DCBLD2: variants seen among roughly 807,000 people sequenced by gnomAD.
DCBLD2 encodes the protein discoidin, CUB and LCCL domain-containing protein 2.
A neutral mutation model predicts 86.8 loss-of-function variants in DCBLD2; 54 were observed. The observed-to-expected ratio is 0.62, with a 90% confidence interval of 0.50 to 0.78. The LOEUF (loss-of-function observed/expected upper bound fraction) is 0.78, where lower values mean the gene tolerates loss of function less well. DCBLD2 is among the 30% of genes least tolerant of loss of function. The probability of loss-of-function intolerance (pLI) is 0.00; values close to 1 mark genes in which losing one functional copy is unlikely to be tolerated. For missense variants in DCBLD2, 908 were observed against 954.2 expected, an observed-to-expected ratio of 0.95 and a Z score of 0.64; for synonymous variants, 354 against 341.3, an observed-to-expected ratio of 1.04 and a Z score of -0.41.
intron 2 of DCBLD2, among the ~76,000 whole-genome samples, chr3:98,868,695 C>T (rs1281043710): frequency 6.6e-6 from 1 of 152,122 alleles, no homozygotes; most frequent in African/African-American, 2.4e-5. Flanking sequence ...CTTGTGAGAA[C>T]ATATGGTACT....
chr3:98,799,736 T>C lies in DCBLD2; in HGVS notation c.1964A>G (p.Tyr655Cys). ...ATAAACTTCCTGCCCTGGTGAGTTG[T>C]AAGGATCTAGGTCTGCATAGCCTGC... ...KEAGYADLDP[Y>C]NSPGQEVYHA... The change falls in exon 16 of 16, where the codon TAC (tyrosine) becomes TGC (cysteine). Residue 655 changes from tyrosine (Y) to cysteine (C), a missense_variant. Physicochemically the swap from Tyr to Cys is radical, Grantham distance 194. This residue lies in a region of DCBLD2 where 606 missense variants were observed against 678.5 expected (regional missense o/e 0.89). Transcript: ENST00000326840. 6.2e-7 allele frequency: 1 copy of C among 1,614,012 alleles called. No individual in the cohort carries two copies. Among genetic ancestry groups the C allele is most frequent in the South Asian group, 1.1e-5 (1 of 91,084 alleles).
intron 13 of DCBLD2, among the ~76,000 whole-genome samples, chr3:98,807,026 C>A (rs1375243670): frequency 1.3e-5 from 2 of 152,160 alleles, no homozygotes; most frequent in Admixed American, 1.3e-4. Flanking sequence ...CATCTTTGTA[C>A]AATCATCTGA....
chr3:98,848,274 C>A (rs1190366687), intron 3 of DCBLD2, among the ~76,000 whole-genome samples: 2 of 152,176 alleles, frequency 1.3e-5, no homozygotes, highest in African/African-American at 4.8e-5. Flanking sequence ...GGGCTTCCAG[C>A]TCCATCCATG....
At chr3:98,842,257 A>G (rs1942635282) in intron 3 of DCBLD2, among the ~76,000 whole-genome samples, 1 of 152,198 alleles carries the variant, frequency 6.6e-6, no homozygotes, top group African/African-American at 2.4e-5. Flanking sequence ...CATCTTGTCA[A>G]TAGCCTTGCA....
intron 2 of DCBLD2, among the ~76,000 whole-genome samples, chr3:98,866,927 C>G (rs1402849433): frequency 6.6e-6 from 1 of 152,246 alleles, no homozygotes; most frequent in African/African-American, 2.4e-5. Flanking sequence ...TTACATATGG[C>G]TAGCCAGTTT....
At chr3:98,849,658 C>T (rs572049327) in intron 2 of DCBLD2, 60 bp from the exon 3 acceptor site, 6 of 1,552,058 alleles carry the variant, frequency 3.9e-6, no homozygotes, top group Non-Finnish European at 5.3e-6. Flanking sequence ...ATAATATTTG[C>T]AATGTAGATA....
At chr3:98,839,164 T>C (rs796535406) in intron 3 of DCBLD2, among the ~76,000 whole-genome samples, 63 of 77,148 alleles carry the variant, frequency 8.2e-4, no homozygotes, top group Admixed American at 3.6e-3. Context: ...TCTTTCTTTC[T>C]TTCTTTCCTT....
At chr3:98,889,040 CTTCT>C (rs1943610793) in intron 1 of DCBLD2, among the ~76,000 whole-genome samples, 1 of 152,024 alleles carries the variant, frequency 6.6e-6, no homozygotes, top group South Asian at 2.1e-4. Flanking sequence ...CCTGGCCTCA[CTTCT>C]TTCTCTACCT....
In DCBLD2 at chr3:98,839,167, CTTTCCTTTCTTT is replaced by C. The variant is rs1488691793; in HGVS notation, c.571+10282_571+10293del. On this transcript the variant is annotated intron_variant, in intron 3 of 15. Transcript: ENST00000326840. ...TCCTTCTTTCTTTCTTTCTTTCTTTCTTTCCTTTCTTTCTTCCTTCCTTCCTTCCTTCCTTCC... is the reference window on the plus strand; with the variant it reads ...TCCTTCTTTCTTTCTTTCTTTCTTTCCTTCCTTCCTTCCTTCCTTCCTTCC... 1.3e-4 allele frequency among the ~76,000 whole-genome samples: 10 copies of C among 78,878 alleles called. 1 individual carries two copies. Among genetic ancestry groups the C allele is most frequent in the Non-Finnish European group, 1.8e-4 (7 of 39,760 alleles). The allele number at this position is 78,878 out of a possible 152,430, so 51.7% of individuals were successfully genotyped here.
At chr3:98,872,409 C>G (rs192225202) in intron 2 of DCBLD2, among the ~76,000 whole-genome samples, 1 of 152,320 alleles carries the variant, frequency 6.6e-6, no homozygotes, top group Admixed American at 6.5e-5. Context: ...TTCCAGTTTC[C>G]TCCATGAGTT....
intron 1 of DCBLD2, among the ~76,000 whole-genome samples, chr3:98,896,770 T>A (rs750791335): frequency 6.6e-6 from 1 of 152,188 alleles, no homozygotes; most frequent in Non-Finnish European, 1.5e-5. Flanking sequence ...AGGAGCCACA[T>A]CAGAAAAATT....
At chr3:98,823,837 A>T (rs1220297828) in intron 4 of DCBLD2, among the ~76,000 whole-genome samples, 1 of 152,204 alleles carries the variant, frequency 6.6e-6, no homozygotes, top group African/African-American at 2.4e-5. Flanking sequence ...TCACACAGTT[A>T]GCAGGTAGCA....
Position 98,901,374 on chromosome 3 carries a change from C to T in DCBLD2, c.-48G>A. 7.8e-7 allele frequency: 1 copy of T among 1,274,598 alleles called. No individual in the cohort carries two copies. The highest frequency in any genetic ancestry group is 9.8e-7 in the Non-Finnish European group (1 of 1,016,958). The allele number at this position is 1,274,598 out of a possible 1,614,324, so 79.0% of individuals were successfully genotyped here. On this transcript the variant is annotated 5_prime_UTR_variant, in exon 1 of 16. Coordinates refer to ENST00000326840, the MANE Select transcript of DCBLD2 (RefSeq NM_080927.4). ...GCATAGTGCGGGTGCCTCGGCAGCCCCGCGCGCCTCTGGCCGCGGCACCCG... is the reference window on the plus strand; with the variant it reads ...GCATAGTGCGGGTGCCTCGGCAGCCTCGCGCGCCTCTGGCCGCGGCACCCG...
At chr3:98,833,934 T>C (rs1220655609) in intron 3 of DCBLD2, among the ~76,000 whole-genome samples, 1 of 152,182 alleles carries the variant, frequency 6.6e-6, no homozygotes, top group Non-Finnish European at 1.5e-5. Flanking sequence ...AGTGAGGAGA[T>C]ATGGGAGTGG....
intron 2 of DCBLD2, among the ~76,000 whole-genome samples, chr3:98,870,740 A>AGAAAGAAAGAAAGAAAGAAAAGAAG (rs1943254219): frequency 2.0e-5 from 1 of 49,598 alleles, no homozygotes; most frequent in Non-Finnish European, 4.0e-5. Flanking sequence ...AGAAAGAAAA[A>AGAAAGAAAGAAAGAAAGAAAAGAAG]GAAAGAAAGA....
At chr3:98,888,241 A>T (rs1321466723) in intron 1 of DCBLD2, among the ~76,000 whole-genome samples, 1 of 151,936 alleles carries the variant, frequency 6.6e-6, no homozygotes, top group Non-Finnish European at 1.5e-5. Context: ...CCATTTTTTT[A>T]AAAAGACATT....
chr3:98,856,419 G>C (rs2107491779), intron 2 of DCBLD2, among the ~76,000 whole-genome samples: 1 of 152,138 alleles, frequency 6.6e-6, no homozygotes, highest in Non-Finnish European at 1.5e-5. Context: ...CCTATTATGA[G>C]CTACAAAGCT....
At chr3:98,865,173 G>A (rs1405981043) in intron 2 of DCBLD2, among the ~76,000 whole-genome samples, 2 of 152,070 alleles carry the variant, frequency 1.3e-5, no homozygotes, top group African/African-American at 4.8e-5. Flanking sequence ...CATGTTCACT[G>A]CTGCATTATT....
intron 14 of DCBLD2, among the ~76,000 whole-genome samples, chr3:98,800,946 G>GTATA (rs1941707486): frequency 6.6e-6 from 1 of 150,964 alleles, no homozygotes; most frequent in Non-Finnish European, 1.5e-5. Context: ...ATCACTGTTA[G>GTATA]TATAGTACAG....
Sources: allele counts gnomAD v4.1 joint callset (sites outside exome capture counted in the v4.1 genomes callset), GRCh38; gene constraint gnomAD v4.1.1; regional missense constraint gnomAD v4.1.1; transcripts MANE v1.5; gene names NCBI Gene and HGNC (gene_info 2026-07-23, HGNC 2026-07-21).